The following LRP1B variants were observed in gnomAD, a reference collection of about 807,000 sequenced individuals.
LRP1B encodes LDL receptor related protein 1B.
In LRP1B, 217 loss-of-function variants were observed where a neutral mutation model predicts 556.6. The ratio of observed to expected loss-of-function variants is 0.39; its 90% CI spans 0.35 to 0.44. The LOEUF (loss-of-function observed/expected upper bound fraction) is 0.44, where lower values mean the gene tolerates loss of function less well. Ranked by LOEUF, LRP1B falls within the 20% of genes least tolerant of loss-of-function variation. LRP1B has a pLI of 1.00. For synonymous variants in LRP1B, 2,047 were observed against 1,865.8 expected (o/e 1.10, Z -2.50); for missense variants, 5,053 against 5,620.8 (o/e 0.90, Z 3.23).
At chr2:141,403,220 TA>T (rs1690508999) in intron 3 of LRP1B, among the ~76,000 whole-genome samples, 1 of 152,130 alleles carries the variant, frequency 6.6e-6, no homozygotes, top group African/African-American at 2.4e-5. Context: ...AATGTGAGCC[TA>T]AGAGTGTTTA....
Position 141,265,452 on chromosome 2 carries a change from C to T in LRP1B, c.344-10811G>A, listed in dbSNP as rs146818616. On this transcript the variant is annotated intron_variant, in intron 3 of 90. Transcript: ENST00000389484. ...CCTCATGCTGTCCCTGAGGATTCTG[C>T]GCTAGAACTGTACCCTGCATGCATA... Among the ~76,000 whole-genome samples, 238 of 152,266 alleles carry T rather than the reference C, an allele frequency of 1.6e-3. 4 individuals are homozygous for T. Among genetic ancestry groups the T allele is most frequent in the Admixed American group, 0.013 (201 of 15,290 alleles).
At position 140,605,943 on chromosome 2, in the gene LRP1B, G is replaced by A. The variant is rs148243323; in HGVS notation, c.6800-4304C>T. On this transcript the variant is annotated intron_variant, in intron 41 of 90. Transcript: ENST00000389484. ...TTTTCCCTCAAAGACCAGGACCAAA[G>A]CAAACATGTCCACTTTTGCCTTTAT... is the stretch of plus-strand genomic sequence containing the variant. Among the ~76,000 whole-genome samples, 386 of 152,062 alleles carry A rather than the reference G, an allele frequency of 2.5e-3. 1 individual carries two copies. The highest frequency in any genetic ancestry group is 8.9e-3 in the African/African-American group (370 of 41,478).
At chr2:141,122,456 T>C (rs907260478) in intron 7 of LRP1B, among the ~76,000 whole-genome samples, 1 of 149,790 alleles carries the variant, frequency 6.7e-6, no homozygotes, top group Non-Finnish European at 1.5e-5. Context: ...AACAGACACT[T>C]CTCAAAAGAA....
chr2:141,601,309 C>T (rs1002104249), intron 2 of LRP1B, among the ~76,000 whole-genome samples: 1 of 151,906 alleles, frequency 6.6e-6, no homozygotes, highest in Non-Finnish European at 1.5e-5. Context: ...TACATCTTCT[C>T]CTGGCAGATT....
intron 2 of LRP1B, among the ~76,000 whole-genome samples, chr2:141,522,708 G>A (rs1313769225): frequency 1.3e-5 from 2 of 152,118 alleles, no homozygotes; most frequent in Non-Finnish European, 2.9e-5. Context: ...GCCATGTGTG[G>A]GTGGCTTAAT....
chr2:141,760,111 A>G (rs1294469539), intron 2 of LRP1B, among the ~76,000 whole-genome samples: 3 of 150,746 alleles, frequency 2.0e-5, no homozygotes, highest in Non-Finnish European at 2.9e-5. Context: ...TTGATGTAGT[A>G]GTTCTACTTT....
At chr2:141,309,263 A>T (rs972311774) in intron 3 of LRP1B, among the ~76,000 whole-genome samples, 3 of 152,386 alleles carry the variant, frequency 2.0e-5, no homozygotes, top group African/African-American at 7.2e-5. Context: ...AGTTGGAAAT[A>T]AAGACATCAA....
intron 1 of LRP1B, among the ~76,000 whole-genome samples, chr2:142,087,667 T>C (rs564848857): frequency 1.3e-5 from 2 of 151,926 alleles, no homozygotes; most frequent in South Asian, 2.1e-4. Context: ...TACCATGTAA[T>C]TCATTTTTGC....
At chr2:141,034,810 GGA>G (rs1319958870) in intron 11 of LRP1B, among the ~76,000 whole-genome samples, 1 of 149,074 alleles carries the variant, frequency 6.7e-6, no homozygotes, top group African/African-American at 2.5e-5. Context: ...GATTCCTCAG[GGA>G]TCTAGAAGTA....
Position 140,299,753 on chromosome 2 carries a change from C to A in LRP1B, c.12806-1784G>T, listed in dbSNP as rs115727656. Among the ~76,000 whole-genome samples, 381 of 152,064 alleles carry A rather than the reference C, an allele frequency of 2.5e-3. 1 individual carries two copies. The highest frequency in any genetic ancestry group is 8.6e-3 in the African/African-American group (358 of 41,504). ...AGAGCCCAAAACAACAGAAGTAATT[C>A]TTCAATTACAGTCAATGGATACCTT... is the stretch of plus-strand genomic sequence containing the variant. On this transcript the variant is annotated intron_variant, in intron 83 of 90. Transcript: ENST00000389484.
At chr2:141,777,514 C>T (rs1695117317) in intron 2 of LRP1B, among the ~76,000 whole-genome samples, 1 of 152,130 alleles carries the variant, frequency 6.6e-6, no homozygotes, top group South Asian at 2.1e-4. Flanking sequence ...CTCCCGGGTT[C>T]AAGAGATTCT....
chr2:141,184,065 C>T (rs138145044), intron 7 of LRP1B, among the ~76,000 whole-genome samples: 1 of 151,996 alleles, frequency 6.6e-6, no homozygotes, highest in Non-Finnish European at 1.5e-5. Context: ...CCACCCCTGA[C>T]CTCAGTTACA....
intron 32 of LRP1B, among the ~76,000 whole-genome samples, chr2:140,781,494 T>C (rs1463934603): frequency 1.3e-5 from 2 of 152,208 alleles, no homozygotes; most frequent in African/African-American, 4.8e-5. Context: ...ATTTATTCAA[T>C]TAATATTGAC....
intron 3 of LRP1B, among the ~76,000 whole-genome samples, chr2:141,335,960 C>T (rs969668288): frequency 6.6e-6 from 1 of 152,062 alleles, no homozygotes; most frequent in Admixed American, 6.5e-5. Context: ...CATACTAACA[C>T]ATATGTTTTT....
chr2:140,875,272 T>C (rs956043864), intron 25 of LRP1B, among the ~76,000 whole-genome samples: 4 of 152,118 alleles, frequency 2.6e-5, no homozygotes, highest in Non-Finnish European at 4.4e-5. Flanking sequence ...ATCACTAAAG[T>C]CAAAGGCATA....
intron 1 of LRP1B, among the ~76,000 whole-genome samples, chr2:142,076,430 C>T (rs2104921582): frequency 6.6e-6 from 1 of 152,174 alleles, no homozygotes; most frequent in African/African-American, 2.4e-5. Context: ...AATCTTAATA[C>T]TCCTTGCTAA....
intron 43 of LRP1B, among the ~76,000 whole-genome samples, chr2:140,572,602 T>G (rs957650443): frequency 2.6e-5 from 4 of 151,720 alleles, no homozygotes; most frequent in Non-Finnish European, 5.9e-5. Flanking sequence ...AGTTACTATA[T>G]GAACCAGCAA....
intron 7 of LRP1B, among the ~76,000 whole-genome samples, chr2:141,124,664 GAA>G (rs570765407): frequency 5.4e-5 from 4 of 73,660 alleles, no homozygotes; most frequent in Non-Finnish European, 9.5e-5. Context: ...AGTGACAAAT[GAA>G]AAAAAAAAAA....
At chr2:141,775,003 GA>G (rs1695017077) in intron 2 of LRP1B, among the ~76,000 whole-genome samples, 1 of 152,170 alleles carries the variant, frequency 6.6e-6, no homozygotes, top group Non-Finnish European at 1.5e-5. Flanking sequence ...AAAGTGTTCA[GA>G]AGCAAACCTC....
Sources: gnomAD v4.1 joint callset for allele counts (sites outside exome capture counted in the v4.1 genomes callset) on GRCh38, gnomAD v4.1.1 for gene constraint, MANE v1.5 for transcripts, NCBI Gene and HGNC (gene_info 2026-07-23, HGNC 2026-07-21) for gene names.